TSPAN15: variants seen among roughly 807,000 people sequenced by gnomAD.
TSPAN15 encodes the protein tetraspanin-15.
Under a neutral mutation model 34.5 loss-of-function variants are expected in TSPAN15, and 20 were observed. The observed-to-expected ratio is 0.58, with a 90% CI of 0.41 to 0.84. TSPAN15 has a LOEUF of 0.84. Ranked by LOEUF, TSPAN15 falls within the 40% of genes least tolerant of loss-of-function variation. The pLI, the probability that TSPAN15 is intolerant of heterozygous loss-of-function variation, is 0.00. For missense variants in TSPAN15, 313 were observed against 386.1 expected (o/e 0.81, Z 1.59); for synonymous variants, 155 against 153.9 (o/e 1.01, Z -0.05).
At chr10:69,493,468 T>A (rs1589647677) in intron 3 of TSPAN15, among the ~76,000 whole-genome samples, 1 of 127,962 alleles carries the variant, frequency 7.8e-6, no homozygotes. Flanking sequence ...CGAGCCCATC[T>A]CCTTTTTTTT....
chr10:69,498,456 TCTC>T (rs1842136411), intron 5 of TSPAN15, 60 bp downstream of exon 5: 2 of 1,339,160 alleles, frequency 1.5e-6, no homozygotes, highest in Non-Finnish European at 2.1e-6. Flanking sequence ...GTATAAATGT[TCTC>T]TTTTCTCTCT....
chr10:69,453,304 A>C (rs368095446), intron 1 of TSPAN15, among the ~76,000 whole-genome samples: 1 of 152,092 alleles, frequency 6.6e-6, no homozygotes, highest in African/African-American at 2.4e-5. Context: ...ACATAAGCTT[A>C]ATTGTAGTAA....
At chr10:69,519,944 C>T in the TSPAN15 span, among the ~76,000 whole-genome samples, 2 of 152,186 alleles carry the variant, frequency 1.3e-5, no homozygotes, top group Non-Finnish European at 2.9e-5. Flanking sequence ...GTTGGCCAGG[C>T]TGGTCTTGAA....
At chr10:69,522,739 C>T in the TSPAN15 span, among the ~76,000 whole-genome samples, 1 of 147,730 alleles carries the variant, frequency 6.8e-6, no homozygotes, top group South Asian at 2.1e-4. Context: ...CTGTTTCATT[C>T]CGAAACCATC....
At chr10:69,481,866 TG>T (rs1771049608) in intron 1 of TSPAN15, among the ~76,000 whole-genome samples, 1 of 152,170 alleles carries the variant, frequency 6.6e-6, no homozygotes, top group Non-Finnish European at 1.5e-5. Flanking sequence ...TCAGAATCCT[TG>T]GACAGGCAGG....
intron 1 of TSPAN15, among the ~76,000 whole-genome samples, chr10:69,474,560 G>A (rs1333634275): frequency 1.3e-5 from 2 of 152,112 alleles, no homozygotes; most frequent in East Asian, 1.9e-4. Context: ...CTATAGTTAC[G>A]AGTGGTGGAG....
chr10:69,525,044 G>T, the TSPAN15 span, among the ~76,000 whole-genome samples: 2 of 147,856 alleles, frequency 1.4e-5, no homozygotes, highest in Non-Finnish European at 1.5e-5. Flanking sequence ...GCCTCCCAAA[G>T]TGCTGGGATT....
chr10:69,457,944 T>G (rs1841150447), intron 1 of TSPAN15, among the ~76,000 whole-genome samples: 1 of 152,174 alleles, frequency 6.6e-6, no homozygotes, highest in Admixed American at 6.5e-5. Flanking sequence ...AGACTAAGAA[T>G]GAGAAGGGCT....
intron 4 of TSPAN15, among the ~76,000 whole-genome samples, chr10:69,497,881 T>A (rs1413359736): frequency 6.6e-6 from 1 of 152,130 alleles, no homozygotes; most frequent in African/African-American, 2.4e-5. Flanking sequence ...GAAGGTTGGT[T>A]GAGGTGCAGG....
chr10:69,456,367 G>C (rs1589619160), intron 1 of TSPAN15, among the ~76,000 whole-genome samples: 1 of 152,136 alleles, frequency 6.6e-6, no homozygotes, highest in Admixed American at 6.6e-5. Flanking sequence ...GATTACAGGC[G>C]TGAGTCACTG....
chr10:69,473,299 G>T (rs558540341), intron 1 of TSPAN15, among the ~76,000 whole-genome samples: 3 of 152,270 alleles, frequency 2.0e-5, no homozygotes, highest in East Asian at 3.9e-4. Context: ...TTGGAGGATG[G>T]GTATGAGCCC....
rs141427786 is a variant in TSPAN15 at position 69,507,177 on chromosome 10, T to C, written c.*199T>C. The stretch of plus-strand genomic sequence containing the variant: ...AGCCTGGGCCTCCCCTAAGAGGCTT[T>C]CCCCGAGGCAGCTCTGGAATCTGTG... On this transcript the variant is annotated 3_prime_UTR_variant, in exon 8 of 8. Transcript: ENST00000373290. 3,617 of 1,422,232 alleles carry C rather than the reference T, an allele frequency of 2.5e-3. 80 individuals carry two copies. The African/African-American group carries it at 0.045, about 18-fold the overall frequency. 88.1% of individuals were successfully genotyped at this position (1,422,232 alleles called of 1,614,324 possible). A position where few individuals can be genotyped will look rare whatever the true frequency, so the allele number is the denominator to read the frequency against.
chr10:69,520,632 G>A, the TSPAN15 span, among the ~76,000 whole-genome samples: 1 of 152,186 alleles, frequency 6.6e-6, no homozygotes. Context: ...TTCCTGCCTG[G>A]GCGACAGAGC....
chr10:69,457,788 T>G (rs905378159), intron 1 of TSPAN15, among the ~76,000 whole-genome samples: 1 of 152,182 alleles, frequency 6.6e-6, no homozygotes, highest in Non-Finnish European at 1.5e-5. Flanking sequence ...CTAACCTACC[T>G]GAAGAGTTGC....
At chr10:69,531,318 G>A in the TSPAN15 span, among the ~76,000 whole-genome samples, 2 of 150,874 alleles carry the variant, frequency 1.3e-5, no homozygotes, top group South Asian at 4.2e-4. Context: ...AGTATTATAG[G>A]CTGGGTGTGG....
At chr10:69,501,513 A>G (rs1040865013) in intron 5 of TSPAN15, among the ~76,000 whole-genome samples, 6 of 152,224 alleles carry the variant, frequency 3.9e-5, no homozygotes, top group Non-Finnish European at 8.8e-5. Flanking sequence ...TCAACCTGGG[A>G]TTTGAATGAG....
At chr10:69,475,897 TC>T (rs1841604798) in intron 1 of TSPAN15, among the ~76,000 whole-genome samples, 2 of 152,138 alleles carry the variant, frequency 1.3e-5, no homozygotes, top group South Asian at 4.2e-4. Context: ...AAGCCATAAT[TC>T]TTTAAAGAAA....
chr10:69,494,301 A>G (rs1842031582), intron 3 of TSPAN15, among the ~76,000 whole-genome samples: 1 of 152,234 alleles, frequency 6.6e-6, no homozygotes, highest in Non-Finnish European at 1.5e-5. Context: ...GTAGTACCAT[A>G]GAGTATTTGT....
rs143349932 is a variant in TSPAN15 at position 69,472,091 on chromosome 10, A to C, written c.97-11600A>C. On this transcript the variant is annotated intron_variant, in intron 1 of 7. Coordinates refer to ENST00000373290, the MANE Select transcript of TSPAN15 (RefSeq NM_012339.5). Reference sequence around the variant, plus strand: ...AATGCCTGGTGTGCAAAAACCACTCAGTCAATAGATGTCATGTGAATAAAT... The same window carrying C: ...AATGCCTGGTGTGCAAAAACCACTCCGTCAATAGATGTCATGTGAATAAAT... Among the ~76,000 whole-genome samples the C allele has an allele frequency of 3.3e-3, 510 of 152,290 alleles. 4 individuals carry two copies. Among genetic ancestry groups the C allele is most frequent in the African/African-American group, 0.012 (495 of 41,558 alleles).
Sources: gnomAD v4.1 joint callset for allele counts (sites outside exome capture counted in the v4.1 genomes callset) on GRCh38, gnomAD v4.1.1 for gene constraint, MANE v1.5 for transcripts, NCBI Gene and HGNC (gene_info 2026-07-23, HGNC 2026-07-21) for gene names.